Variants in IMPG2 observed in about 807,000 individuals in gnomAD.
IMPG2 encodes interphotoreceptor matrix proteoglycan 2.
In IMPG2, 91 loss-of-function variants were observed where a neutral mutation model predicts 129.2. The observed-to-expected ratio is 0.70, with a 90% CI of 0.59 to 0.84. The LOEUF is 0.84. Among genes scored for constraint, IMPG2 ranks in the 40% least tolerant of loss-of-function variants. The pLI, the probability that IMPG2 is intolerant of heterozygous loss-of-function variation, is 0.00. For synonymous variants in IMPG2, 510 were observed against 517.7 expected, an observed-to-expected ratio of 0.99 and a Z score of 0.20; for missense variants, 1,430 against 1,461.7, an observed-to-expected ratio of 0.98 and a Z score of 0.35.
intron 4 of IMPG2, 22 bp from the exon 5 acceptor site, chr3:101,276,735 G>T: frequency 1.3e-6 from 2 of 1,591,078 alleles, no homozygotes; most frequent in South Asian, 2.2e-5. Flanking sequence ...AATGTTTGCA[G>T]TTAATAAAAT....
At chr3:101,279,448 G>C (rs1706870993) in intron 4 of IMPG2, among the ~76,000 whole-genome samples, 2 of 152,150 alleles carry the variant, frequency 1.3e-5, no homozygotes, top group Non-Finnish European at 1.5e-5. Flanking sequence ...GCCCTTATGT[G>C]ATCCCTACTC....
At chr3:101,229,115 GGA>G (rs1268315762) in intron 17 of IMPG2, among the ~76,000 whole-genome samples, 1 of 144,728 alleles carries the variant, frequency 6.9e-6, no homozygotes, top group Non-Finnish European at 1.5e-5. Flanking sequence ...AAGGGAGGAA[GGA>G]GAGAGTACCA....
chr3:101,282,697 A>G (rs967538260), intron 4 of IMPG2, among the ~76,000 whole-genome samples: 1 of 152,178 alleles, frequency 6.6e-6, no homozygotes, highest in Non-Finnish European at 1.5e-5. Flanking sequence ...ATGAACAAAC[A>G]AAACCACCCA....
In IMPG2 at chr3:101,269,535, T is replaced by A; in HGVS notation, c.867A>T (p.Glu289Asp). The change falls in exon 8 of 19, where the codon GAA (glutamate) becomes GAT (aspartate). Residue 289 changes from glutamate (E) to aspartate (D), a missense_variant. By Grantham distance (45) the Glu-to-Asp change is conservative. Transcript: ENST00000193391. ...TTTACCTAAATTCAAGTACACGAAT[T>A]TCCTTGTAGCCTGGTAACCCAGTAA... ...NAFTGLPGYK[E>D]IRVLEFRSPK... 1.3e-6 allele frequency: 2 copies of A among 1,593,104 alleles called. No individual in the cohort carries two copies. Among genetic ancestry groups the A allele is most frequent in the Non-Finnish European group, 1.7e-6 (2 of 1,161,042 alleles).
intron 5 of IMPG2, 44 bp from the exon 6 acceptor site, chr3:101,275,789 T>C: frequency 7.3e-7 from 1 of 1,369,944 alleles, no homozygotes. Flanking sequence ...CAGTCCTCGA[T>C]TAAGTCAGAA....
At chr3:101,294,338 C>A (rs1201080269) in intron 3 of IMPG2, among the ~76,000 whole-genome samples, 1 of 151,892 alleles carries the variant, frequency 6.6e-6, no homozygotes, top group Non-Finnish European at 1.5e-5. Context: ...TGAGAACATG[C>A]AGTGTTTGGT....
At chr3:101,232,285 T>C (rs1322617972) in intron 15 of IMPG2, among the ~76,000 whole-genome samples, 3 of 152,034 alleles carry the variant, frequency 2.0e-5, no homozygotes, top group African/African-American at 7.2e-5. Context: ...TTGCCCAGGC[T>C]GGAGTGCAGT....
Position 101,281,030 on chromosome 3 carries a change from GAC to G in IMPG2, c.534-4319_534-4318del, listed in dbSNP as rs950089478. ...TCAACTACAAATGTAAATTAATTGAGACACACACACACACAATCCCAAAGAGC... is the reference window on the plus strand; with the variant it reads ...TCAACTACAAATGTAAATTAATTGAGACACACACACACAATCCCAAAGAGC... On this transcript the variant is annotated intron_variant, in intron 4 of 18. Transcript: ENST00000193391. 4.4e-4 allele frequency among the ~76,000 whole-genome samples: 67 copies of G among 151,638 alleles called. No individual in the cohort carries two copies. The East Asian group carries it at 0.012, about 27-fold the overall frequency.
rs10575719 is a variant in IMPG2, at chr3:101,272,099, G to GCA, written c.828+1480_828+1481dup. ...CCCCACTTCTTATCCTTTTACACAC[G>GCA]CACACACACACACACACACACATAC... On this transcript the variant is annotated intron_variant, in intron 7 of 18. Transcript: ENST00000193391. 9.6e-3 allele frequency among the ~76,000 whole-genome samples: 1,426 copies of GCA among 149,180 alleles called. 24 individuals are homozygous for GCA. The highest frequency in any genetic ancestry group is 0.033 in the African/African-American group (1,337 of 40,650).
intron 7 of IMPG2, among the ~76,000 whole-genome samples, chr3:101,271,702 T>C (rs1706784495): frequency 2.0e-5 from 3 of 152,172 alleles, no homozygotes; most frequent in African/African-American, 4.8e-5. Context: ...AAATGTGCTT[T>C]AGAATTGGGA....
chr3:101,273,500 C>T, intron 7 of IMPG2, 81 bp downstream of exon 7: 3 of 1,452,742 alleles, frequency 2.1e-6, no homozygotes, highest in Non-Finnish European at 2.9e-6. Context: ...AAACCTAAAC[C>T]TATCTTTAAA....
At chr3:101,234,527 T>C (rs1706325554) in intron 14 of IMPG2, among the ~76,000 whole-genome samples, 1 of 152,174 alleles carries the variant, frequency 6.6e-6, no homozygotes, top group South Asian at 2.1e-4. Flanking sequence ...AGGGGACCAC[T>C]GCCAAGATGC....
intron 2 of IMPG2, among the ~76,000 whole-genome samples, chr3:101,314,567 T>C (rs2058774791): frequency 6.6e-6 from 1 of 152,106 alleles, no homozygotes; most frequent in South Asian, 2.1e-4. Flanking sequence ...AAATCCAGGT[T>C]AACTAACTTC....
rs2107218279 is a variant in IMPG2, at chr3:101,242,888, G to A, written c.2822C>T (p.Ser941Leu). Residue 941 changes from serine (S) to leucine (L), a missense_variant, in exon 14 of 19, where the codon TCA (serine) becomes TTA (leucine). By Grantham distance (145) the Ser-to-Leu change is moderately radical. Coordinates refer to ENST00000193391, the MANE Select transcript of IMPG2 (RefSeq NM_016247.4). The stretch of plus-strand genomic sequence containing the variant: ...TAAGTTCTGGAACCCCGTGAGATTT[G>A]ACTGGAGATAGGGAACCAGCTACAA... ...FLELLVPYLQ[S>L]NLTGFQNLEI... 6 of 1,613,892 alleles carry A rather than the reference G, an allele frequency of 3.7e-6. No homozygotes were observed. The highest frequency in any genetic ancestry group is 5.1e-6 in the Non-Finnish European group (6 of 1,179,856).
Position 101,244,313 on chromosome 3 carries a change from G to T in IMPG2, c.2018C>A (p.Ser673Tyr). Residue 673 changes from serine (S) to tyrosine (Y), a missense_variant, in exon 13 of 19, where the codon TCC becomes TAC. Coordinates refer to ENST00000193391, the MANE Select transcript of IMPG2 (RefSeq NM_016247.4). ...AGGCTCTTCCTCTGGAAAGTGTGTG[G>T]ATCTGTCATCATGTTCATATTTTGA... ...KHSKYEHDDR[S>Y]THFPEEEPLS... The T allele has an allele frequency of 6.2e-7, 1 of 1,614,006 alleles. No individual in the cohort carries two copies. The highest frequency in any genetic ancestry group is 8.5e-7 in the Non-Finnish European group (1 of 1,179,972).
Position 101,226,498 on chromosome 3 carries a change from T to A in IMPG2, c.*471A>T, listed in dbSNP as rs191621154. 247 of 153,546 alleles carry A rather than the reference T, an allele frequency of 1.6e-3. 1 individual carries two copies. The highest frequency in any genetic ancestry group is 5.6e-3 in the African/African-American group (230 of 41,422). The allele number at this position is 153,546 out of a possible 1,614,324, so 9.5% of individuals were successfully genotyped here. Reference sequence around the variant, plus strand: ...TAGATGAATGCCTGATTATAAACTATCCATTAAGACTATTTCAAAGGTTTC... The same window carrying A: ...TAGATGAATGCCTGATTATAAACTAACCATTAAGACTATTTCAAAGGTTTC... On this transcript the variant is annotated 3_prime_UTR_variant, in exon 19 of 19. Transcript: ENST00000193391.
At chr3:101,296,698 A>AT (rs60904070) in intron 3 of IMPG2, among the ~76,000 whole-genome samples, 107,350 of 149,822 alleles carry the variant, frequency 0.72, 39,371 homozygotes, top group East Asian at 0.84. Flanking sequence ...TGGTCCCAGG[A>AT]TTTTTTTTTT....
chr3:101,240,356 C>A (rs1053216975), intron 14 of IMPG2, among the ~76,000 whole-genome samples: 2 of 152,146 alleles, frequency 1.3e-5, no homozygotes, highest in African/African-American at 4.8e-5. Context: ...TGGCCTCAAG[C>A]AATCCTTCTC....
At chr3:101,233,663 T>G (rs139008242) in intron 14 of IMPG2, among the ~76,000 whole-genome samples, 1 of 152,272 alleles carries the variant, frequency 6.6e-6, no homozygotes, top group African/African-American at 2.4e-5. Flanking sequence ...TGAATTAGGA[T>G]AGTAATCAGT....
Sources: allele counts gnomAD v4.1 joint callset (sites outside exome capture counted in the v4.1 genomes callset), GRCh38; gene constraint gnomAD v4.1.1; transcripts MANE v1.5; gene names NCBI Gene and HGNC (gene_info 2026-07-23, HGNC 2026-07-21).